Variants in EPHA10 observed in about 807,000 individuals in gnomAD.
The protein encoded by EPHA10 is EPH receptor A10.
Under a neutral mutation model 109.7 loss-of-function variants are expected in EPHA10, and 120 were observed. That is an observed-to-expected ratio of 1.09 (90% CI 0.94 to 1.27). The LOEUF is 1.27. Ranked by LOEUF, EPHA10 falls within the 50% of genes most tolerant of loss-of-function variation. EPHA10 has a pLI of 0.00. For synonymous variants in EPHA10, 640 were observed against 618.9 expected, an observed-to-expected ratio of 1.03 and a Z score of -0.51; for missense variants, 1,396 against 1,411.1, an observed-to-expected ratio of 0.99 and a Z score of 0.17.
chr1:37,723,181 G>T lies in EPHA10; in HGVS notation c.1835-15C>A. 1 of 1,610,814 alleles carries T rather than the reference G, an allele frequency of 6.2e-7. No homozygotes were observed. Among genetic ancestry groups the T allele is most frequent in the Non-Finnish European group, 8.5e-7 (1 of 1,178,066 alleles). On this transcript the variant is annotated splice_polypyrimidine_tract_variant and intron_variant, in intron 9 of 16. Transcript: ENST00000373048. ...TGGGACTTTGACTGGGAGAGAAAGAGATGAGCCTGAGGAATGGGGCCTCCA... is the reference window on the plus strand; with the variant it reads ...TGGGACTTTGACTGGGAGAGAAAGATATGAGCCTGAGGAATGGGGCCTCCA...
At chr1:37,763,392 C>A (rs555650351) in intron 1 of EPHA10, among the ~76,000 whole-genome samples, 4 of 152,176 alleles carry the variant, frequency 2.6e-5, no homozygotes, top group Non-Finnish European at 5.9e-5. Flanking sequence ...ATACAAGGAC[C>A]ATTGTGATTA....
rs755297880 is a variant in EPHA10 at position 37,723,390 on chromosome 1, G to T, written c.1773-18C>A. 10 of 1,613,508 alleles carry T rather than the reference G, an allele frequency of 6.2e-6. No individual in the cohort carries two copies. Among genetic ancestry groups the T allele is most frequent in the Non-Finnish European group, 7.6e-6 (9 of 1,179,762 alleles). On this transcript the variant is annotated intron_variant, in intron 8 of 16. Coordinates refer to ENST00000373048, the MANE Select transcript of EPHA10 (RefSeq NM_001099439.2). Reference sequence around the variant, plus strand: ...TGCAGGGCCTGGCAGGGAGTTCAGGGTCATTCTTTCAGCCAGGCCACCCCG... The same window carrying T: ...TGCAGGGCCTGGCAGGGAGTTCAGGTTCATTCTTTCAGCCAGGCCACCCCG...
At chr1:37,750,638 G>A (rs1180488884) in intron 5 of EPHA10, among the ~76,000 whole-genome samples, 1 of 151,616 alleles carries the variant, frequency 6.6e-6, no homozygotes, top group East Asian at 1.9e-4. Context: ...GGAGTGCAGT[G>A]GCACAATTAT....
intron 6 of EPHA10, among the ~76,000 whole-genome samples, chr1:37,732,981 T>C (rs936312358): frequency 7.4e-6 from 1 of 134,668 alleles, no homozygotes; most frequent in Non-Finnish European, 1.5e-5. Context: ...AACCTCCACC[T>C]CCTGGGTTCA....
At chr1:37,752,791 C>G in intron 5 of EPHA10, 85 bp downstream of exon 5, 1 of 1,017,744 alleles carries the variant, frequency 9.8e-7, no homozygotes, top group Non-Finnish European at 1.2e-6. Context: ...GGGTGGGGCT[C>G]CCGCAGGACC....
intron 5 of EPHA10, among the ~76,000 whole-genome samples, chr1:37,743,127 A>G (rs973545841): frequency 1.9e-4 from 29 of 152,198 alleles, no homozygotes; most frequent in African/African-American, 6.8e-4. Flanking sequence ...GTTGACAAAC[A>G]CCAGCTATTT....
chr1:37,722,858 C>T, intron 10 of EPHA10, 183 bp downstream of exon 10: 1 of 865,992 alleles, frequency 1.2e-6, no homozygotes, highest in Non-Finnish European at 1.9e-6. Context: ...TCCCTATAAT[C>T]AGGCAAGCCA....
At position 37,750,316 on chromosome 1, in the gene EPHA10, G is replaced by GA. The variant is rs530484546; in HGVS notation, c.1357+2559dup. 6.7e-4 allele frequency among the ~76,000 whole-genome samples: 102 copies of GA among 152,056 alleles called. 1 individual carries two copies. The highest frequency in any genetic ancestry group is 1.6e-3 in the African/African-American group (67 of 41,506). ...ACCCATCTGACATGAAAGAAAGATG[G>GA]AAAAAAAGAATTTTTAAAGATGTAA... On this transcript the variant is annotated intron_variant, in intron 5 of 16. Coordinates refer to ENST00000373048, the MANE Select transcript of EPHA10 (RefSeq NM_001099439.2).
chr1:37,760,158 A>G, intron 3 of EPHA10: 1 of 439,036 alleles, frequency 2.3e-6, no homozygotes, highest in Non-Finnish European at 3.1e-6. Flanking sequence ...AGCATATATT[A>G]CCCTCTTGTG....
chr1:37,714,880 A>C (rs1483784709), downstream of EPHA10: 1 of 152,208 alleles, frequency 6.6e-6, no homozygotes, highest in Non-Finnish European at 1.5e-5. Flanking sequence ...GAGCTGTGGG[A>C]CAGTAAATCC....
At position 37,742,622 on chromosome 1, in the gene EPHA10, C is replaced by T. The variant is rs1646172006; in HGVS notation, c.1358-7232G>A. Among the ~76,000 whole-genome samples, 2 of 68,584 alleles carry T rather than the reference C, an allele frequency of 2.9e-5. 1 individual carries two copies. The allele number at this position is 68,584 out of a possible 152,430, so 45.0% of individuals were successfully genotyped here. On this transcript the variant is annotated intron_variant, in intron 5 of 16. Coordinates refer to ENST00000373048, the MANE Select transcript of EPHA10 (RefSeq NM_001099439.2). ...GAAAAAACCTAGGTCCTTGAGGACA[C>T]TTTTGAGCTGCTGAATGAACCAAGC...
intron 5 of EPHA10, among the ~76,000 whole-genome samples, chr1:37,735,905 G>A (rs933345935): frequency 1.3e-5 from 2 of 152,168 alleles, no homozygotes; most frequent in East Asian, 3.8e-4. Flanking sequence ...ACCCAATGGT[G>A]AAAGACTGGA....
intron 14 of EPHA10, 124 bp from the exon 15 acceptor site, chr1:37,719,731 GACACAC>G (rs150031151): frequency 1.2e-5 from 16 of 1,341,388 alleles, no homozygotes; most frequent in African/African-American, 5.8e-5. Flanking sequence ...CACAGACACA[GACACAC>G]ACACACACAC....
chr1:37,761,388 C>A lies in EPHA10; in HGVS notation c.850+17G>T. Reference sequence around the variant, plus strand: ...CGCTCTACACTCCCACCCCACGGCCCCCAGCCAACTGGATACCTTCGCAGA... The same window carrying A: ...CGCTCTACACTCCCACCCCACGGCCACCAGCCAACTGGATACCTTCGCAGA... On this transcript the variant is annotated intron_variant, in intron 3 of 16. Transcript: ENST00000373048. 6.3e-7 allele frequency: 1 copy of A among 1,599,400 alleles called. No individual in the cohort carries two copies. Among genetic ancestry groups the A allele is most frequent in the Non-Finnish European group, 8.5e-7 (1 of 1,179,782 alleles).
At chr1:37,743,424 TA>T (rs1161590752) in intron 5 of EPHA10, among the ~76,000 whole-genome samples, 6 of 152,068 alleles carry the variant, frequency 3.9e-5, no homozygotes, top group African/African-American at 1.4e-4. Context: ...GTGAAGAAAC[TA>T]AAAGTGCATC....
At chr1:37,744,062 G>A (rs1181341328) in intron 5 of EPHA10, among the ~76,000 whole-genome samples, 1 of 152,064 alleles carries the variant, frequency 6.6e-6, no homozygotes, top group Non-Finnish European at 1.5e-5. Context: ...AAGTCATCTG[G>A]AAATAAAAGC....
intron 5 of EPHA10, among the ~76,000 whole-genome samples, chr1:37,750,731 C>T (rs1646309195): frequency 6.6e-6 from 1 of 152,054 alleles, no homozygotes; most frequent in South Asian, 2.1e-4. Context: ...AGGCACACAT[C>T]ACCATGCCTG....
chr1:37,721,569 G>A (rs1645796891), intron 11 of EPHA10, 91 bp downstream of exon 11: 1 of 1,325,790 alleles, frequency 7.5e-7, no homozygotes, highest in Non-Finnish European at 1.0e-6. Flanking sequence ...GGAAGGACCT[G>A]GAGAGGCAGG....
intron 5 of EPHA10, among the ~76,000 whole-genome samples, chr1:37,735,920 T>C (rs1220642202): frequency 6.6e-6 from 1 of 152,174 alleles, no homozygotes; most frequent in Admixed American, 6.5e-5. Flanking sequence ...ACTGGAAGCC[T>C]TCCCTCCAAC....
Sources: gnomAD v4.1 joint callset for allele counts (sites outside exome capture counted in the v4.1 genomes callset) on GRCh38, gnomAD v4.1.1 for gene constraint, MANE v1.5 for transcripts, NCBI Gene and HGNC (gene_info 2026-07-23, HGNC 2026-07-21) for gene names.